The following AKAP19 variants were observed in gnomAD, a reference collection of about 807,000 sequenced individuals.
AKAP19 encodes the protein small A-kinase anchoring protein.
At chr2:190,062,121 G>GGCCAACA in the AKAP19 span, 1 of 1,255,404 alleles carries the variant, frequency 8.0e-7, no homozygotes, top group South Asian at 1.3e-5. Flanking sequence ...CTTACATACA[G>GGCCAACA]GCCAACAGCT....
the AKAP19 span, among the ~76,000 whole-genome samples, chr2:190,117,070 T>C: frequency 6.6e-6 from 1 of 152,228 alleles, no homozygotes; most frequent in Non-Finnish European, 1.5e-5. Context: ...AGTTTTCTGA[T>C]CTCTAAAATG....
chr2:189,990,146 T>C, the AKAP19 span, among the ~76,000 whole-genome samples: 1 of 152,208 alleles, frequency 6.6e-6, no homozygotes, highest in African/African-American at 2.4e-5. Flanking sequence ...TGCACTAGCT[T>C]TTAGAACCTC....
chr2:190,067,153 G>A, the AKAP19 span, among the ~76,000 whole-genome samples: 2 of 152,046 alleles, frequency 1.3e-5, no homozygotes, highest in African/African-American at 4.8e-5. Flanking sequence ...GTCATGTGCA[G>A]GCATATTCAA....
chr2:189,952,262 C>T, the AKAP19 span, among the ~76,000 whole-genome samples: 14 of 152,194 alleles, frequency 9.2e-5, no homozygotes, highest in Middle Eastern at 3.4e-3. Flanking sequence ...TAGTTTAATT[C>T]TCAGGCCCAG....
the AKAP19 span, among the ~76,000 whole-genome samples, chr2:189,997,385 T>C: frequency 2.0e-5 from 3 of 152,036 alleles, no homozygotes; most frequent in Non-Finnish European, 2.9e-5. Flanking sequence ...CTGGGGCAGG[T>C]AGAGAAATAC....
the AKAP19 span, among the ~76,000 whole-genome samples, chr2:190,027,794 T>C: frequency 2.0e-5 from 3 of 152,210 alleles, no homozygotes; most frequent in Non-Finnish European, 4.4e-5. Flanking sequence ...TATAAGTATA[T>C]GGTAGCTTGC....
the AKAP19 span, among the ~76,000 whole-genome samples, chr2:189,958,482 T>G: frequency 6.7e-6 from 1 of 149,216 alleles, no homozygotes; most frequent in Non-Finnish European, 1.5e-5. Context: ...TAGTAATATT[T>G]AATTAAGTAA....
At chr2:189,931,387 A>G in the AKAP19 span, among the ~76,000 whole-genome samples, 1 of 152,244 alleles carries the variant, frequency 6.6e-6, no homozygotes, top group South Asian at 2.1e-4. Flanking sequence ...TTGAAGACAG[A>G]GTCGCACTCT....
the AKAP19 span, among the ~76,000 whole-genome samples, chr2:189,987,447 G>C: frequency 1.3e-5 from 2 of 152,164 alleles, no homozygotes; most frequent in African/African-American, 2.4e-5. Flanking sequence ...CACTGCCAAT[G>C]GGTCTATAAG....
At chr2:190,066,791 C>T in the AKAP19 span, among the ~76,000 whole-genome samples, 1 of 152,142 alleles carries the variant, frequency 6.6e-6, no homozygotes, top group Non-Finnish European at 1.5e-5. Flanking sequence ...AGTCAGTTAG[C>T]AAACCCTTCA....
At chr2:189,908,791 A>G in the AKAP19 span, among the ~76,000 whole-genome samples, 2 of 152,164 alleles carry the variant, frequency 1.3e-5, no homozygotes, top group African/African-American at 4.8e-5. Context: ...TCTGTCCTTA[A>G]GAATATTCCA....
the AKAP19 span, among the ~76,000 whole-genome samples, chr2:190,172,857 A>C: frequency 2.6e-5 from 4 of 152,166 alleles, no homozygotes; most frequent in Admixed American, 1.3e-4. Context: ...TCACGCCTGG[A>C]ATCCCAGCAC....
chr2:189,934,503 A>G, the AKAP19 span, among the ~76,000 whole-genome samples: 4 of 151,950 alleles, frequency 2.6e-5, no homozygotes, highest in Admixed American at 6.6e-5. Context: ...TTTTTTGTTG[A>G]CTTTTAAAAA....
the AKAP19 span, among the ~76,000 whole-genome samples, chr2:190,149,478 T>A: frequency 6.6e-6 from 1 of 152,180 alleles, no homozygotes. Context: ...ACTTTCCTCT[T>A]AGCACCACCT....
the AKAP19 span, among the ~76,000 whole-genome samples, chr2:189,905,876 C>T: frequency 6.6e-6 from 1 of 151,954 alleles, no homozygotes; most frequent in Non-Finnish European, 1.5e-5. Flanking sequence ...TTTGGTTTGC[C>T]TTTTACATTA....
the AKAP19 span, among the ~76,000 whole-genome samples, chr2:189,910,648 A>C: frequency 6.6e-6 from 1 of 151,956 alleles, no homozygotes; most frequent in Non-Finnish European, 1.5e-5. Flanking sequence ...GACAAAGCGT[A>C]ACCATATTTT....
the AKAP19 span, among the ~76,000 whole-genome samples, chr2:189,971,013 T>C: frequency 6.6e-6 from 1 of 152,216 alleles, no homozygotes; most frequent in Non-Finnish European, 1.5e-5. Context: ...CTTTAAGTTC[T>C]AGGGTACATG....
chr2:190,111,204 C>A, the AKAP19 span, among the ~76,000 whole-genome samples: 4 of 152,100 alleles, frequency 2.6e-5, no homozygotes, highest in African/African-American at 9.7e-5. Context: ...ATAGGATCTA[C>A]CAGGTGCCCC....
the AKAP19 span, among the ~76,000 whole-genome samples, chr2:190,020,703 T>C: frequency 6.6e-6 from 1 of 152,186 alleles, no homozygotes; most frequent in East Asian, 1.9e-4. Flanking sequence ...CAGAACTTTT[T>C]CATCTTCCCA....
Sources: allele counts gnomAD v4.1 joint callset (sites outside exome capture counted in the v4.1 genomes callset), GRCh38; gene constraint gnomAD v4.1.1; transcripts MANE v1.5; gene names NCBI Gene and HGNC (gene_info 2026-07-23, HGNC 2026-07-21).